Variants in PPM1L observed in about 807,000 individuals in gnomAD.
The protein encoded by PPM1L is protein phosphatase 1L.
Under a neutral mutation model 31.4 loss-of-function variants are expected in PPM1L, and 13 were observed. That is an observed-to-expected ratio of 0.41 (90% CI 0.27 to 0.66). The LOEUF is 0.66. PPM1L is among the 30% of genes least tolerant of loss of function. The pLI is 0.29. For synonymous variants in PPM1L, 184 were observed against 175.4 expected (o/e 1.05, Z -0.39); for missense variants, 326 against 453.7 (o/e 0.72, Z 2.56).
rs1487689645 is a variant in PPM1L at position 160,944,863 on chromosome 3, A to ATGT, written c.400-16872_400-16871insGTT. 3.5e-3 allele frequency among the ~76,000 whole-genome samples: 34 copies of ATGT among 9,840 alleles called. 2 individuals are homozygous for ATGT. The highest frequency in any genetic ancestry group is 8.1e-3 in the South Asian group (4 of 494). 6.5% of individuals were successfully genotyped at this position (9,840 alleles called of 152,430 possible). A position where few individuals can be genotyped will look rare whatever the true frequency, so the allele number is the denominator to read the frequency against. ...ATGTTATATATAACATATATTATAT[A>ATGT]TAATGTTATATATAACATATATATT... On this transcript the variant is annotated intron_variant, in intron 1 of 3. Transcript: ENST00000498165.
At chr3:160,922,701 A>G (rs1335826515) in intron 1 of PPM1L, among the ~76,000 whole-genome samples, 3 of 152,226 alleles carry the variant, frequency 2.0e-5, no homozygotes, top group African/African-American at 4.8e-5. Context: ...TCATGAAGTA[A>G]TGGTTCCCAC....
At chr3:161,051,437 A>G (rs1004316156) in intron 2 of PPM1L, among the ~76,000 whole-genome samples, 3 of 152,080 alleles carry the variant, frequency 2.0e-5, no homozygotes, top group African/African-American at 7.2e-5. Flanking sequence ...AATACAGGAG[A>G]TAGAAGTGTG....
chr3:160,777,364 A>T (rs1191343806), intron 1 of PPM1L, among the ~76,000 whole-genome samples: 1 of 152,168 alleles, frequency 6.6e-6, no homozygotes, highest in African/African-American at 2.4e-5. Context: ...TGCTCTTTTT[A>T]AATTGTAAAA....
At chr3:160,762,231 GA>G (rs1714988513) in intron 1 of PPM1L, among the ~76,000 whole-genome samples, 1 of 152,100 alleles carries the variant, frequency 6.6e-6, no homozygotes, top group South Asian at 2.1e-4. Context: ...ATTTAGTATG[GA>G]CAAATGCCTT....
At chr3:160,874,518 C>A (rs149460741) in intron 1 of PPM1L, among the ~76,000 whole-genome samples, 2 of 152,152 alleles carry the variant, frequency 1.3e-5, no homozygotes, top group African/African-American at 4.8e-5. Flanking sequence ...TGATACACTG[C>A]GTGAAAACTA....
intron 1 of PPM1L, among the ~76,000 whole-genome samples, chr3:160,771,661 T>C: frequency 6.6e-6 from 1 of 150,650 alleles, no homozygotes; most frequent in East Asian, 1.9e-4. Context: ...AATAAACATG[T>C]GACTTTGGAG....
At chr3:160,813,739 A>G (rs1712884845) in intron 1 of PPM1L, among the ~76,000 whole-genome samples, 1 of 152,186 alleles carries the variant, frequency 6.6e-6, no homozygotes, top group African/African-American at 2.4e-5. Context: ...AGTTTAGCCC[A>G]TTGATTTGGT....
chr3:161,010,317 A>G (rs1303543041), intron 2 of PPM1L, among the ~76,000 whole-genome samples: 1 of 152,098 alleles, frequency 6.6e-6, no homozygotes, highest in Non-Finnish European at 1.5e-5. Flanking sequence ...TCATGTCCCT[A>G]CAAAGGACAT....
At chr3:160,973,369 T>C (rs980648137) in intron 2 of PPM1L, among the ~76,000 whole-genome samples, 2 of 152,338 alleles carry the variant, frequency 1.3e-5, no homozygotes, top group African/African-American at 4.8e-5. Flanking sequence ...GGTCATACTT[T>C]AGAGTACATT....
At chr3:160,944,802 C>CATACATAACATATATGTT (rs1715286221) in intron 1 of PPM1L, among the ~76,000 whole-genome samples, 2 of 14,336 alleles carry the variant, frequency 1.4e-4, no homozygotes, top group African/African-American at 3.0e-4. Flanking sequence ...TTATATATAA[C>CATACATAACATATATGTT]ATATATAACA....
At chr3:160,805,259 T>G (rs1712560917) in intron 1 of PPM1L, among the ~76,000 whole-genome samples, 1 of 152,268 alleles carries the variant, frequency 6.6e-6, no homozygotes, top group South Asian at 2.1e-4. Flanking sequence ...AAATTGTTTT[T>G]TTCTTCTATT....
At position 160,843,279 on chromosome 3, in the gene PPM1L, T is replaced by C. The variant is rs372116177; in HGVS notation, c.399+86572T>C. ...AAATTGTGGTTATAGAGAAACATAG[T>C]ATAGTGTAAGCTTTAGAGCACGCCT... On this transcript the variant is annotated intron_variant, in intron 1 of 3. Coordinates refer to ENST00000498165, the MANE Select transcript of PPM1L (RefSeq NM_139245.4). Among the ~76,000 whole-genome samples the C allele has an allele frequency of 2.2e-3, 331 of 151,188 alleles. 1 individual carries two copies. The highest frequency in any genetic ancestry group is 4.1e-3 in the Non-Finnish European group (281 of 67,738).
intron 2 of PPM1L, among the ~76,000 whole-genome samples, chr3:160,985,506 A>T (rs1410156688): frequency 6.6e-6 from 1 of 152,254 alleles, no homozygotes; most frequent in East Asian, 1.9e-4. Context: ...GCCAGTACTT[A>T]AAACATGAGA....
chr3:160,791,309 C>T (rs1560108032), intron 1 of PPM1L, among the ~76,000 whole-genome samples: 1 of 152,176 alleles, frequency 6.6e-6, no homozygotes, highest in East Asian at 1.9e-4. Context: ...CTTATTAAAC[C>T]TTTCCTAGTC....
intron 1 of PPM1L, among the ~76,000 whole-genome samples, chr3:160,847,110 C>T (rs1057239646): frequency 6.6e-6 from 1 of 152,116 alleles, no homozygotes; most frequent in Non-Finnish European, 1.5e-5. Context: ...ATTTATTTCT[C>T]CTAAGAACTT....
At chr3:161,005,660 A>G (rs536058731) in intron 2 of PPM1L, among the ~76,000 whole-genome samples, 2 of 152,344 alleles carry the variant, frequency 1.3e-5, no homozygotes, top group East Asian at 1.9e-4. Context: ...AAACAGTGGT[A>G]TATACTTTAT....
intron 2 of PPM1L, among the ~76,000 whole-genome samples, chr3:160,986,382 C>G (rs541085383): frequency 1.6e-4 from 24 of 152,278 alleles, no homozygotes; most frequent in African/African-American, 5.1e-4. Context: ...AGGGCAGAGA[C>G]TGGCCCAGGT....
At chr3:160,968,927 G>C (rs192573285) in intron 2 of PPM1L, among the ~76,000 whole-genome samples, 3 of 152,176 alleles carry the variant, frequency 2.0e-5, no homozygotes, top group Admixed American at 6.5e-5. Context: ...TTACAGTTTG[G>C]CTAGAAACCT....
intron 1 of PPM1L, among the ~76,000 whole-genome samples, chr3:160,866,964 C>G (rs1239578731): frequency 6.6e-6 from 1 of 152,178 alleles, no homozygotes; most frequent in Non-Finnish European, 1.5e-5. Context: ...ACCTCAGCCT[C>G]TTGAGTAGTT....
Sources: gnomAD v4.1 joint callset for allele counts (sites outside exome capture counted in the v4.1 genomes callset) on GRCh38, gnomAD v4.1.1 for gene constraint, MANE v1.5 for transcripts, NCBI Gene and HGNC (gene_info 2026-07-23, HGNC 2026-07-21) for gene names.